The following NTM variants were observed in gnomAD, a reference collection of about 807,000 sequenced individuals.
The protein encoded by NTM is IgLON family member 2.
NTM carries 13 observed loss-of-function variants against 42.1 expected under a neutral mutation model. The observed-to-expected ratio is 0.31, with a 90% CI of 0.20 to 0.49. The LOEUF (loss-of-function observed/expected upper bound fraction) is 0.49, where lower values mean the gene tolerates loss of function less well. NTM is among the 20% of genes least tolerant of loss of function. The pLI is 0.99. For missense variants in NTM, 373 were observed against 452.8 expected (o/e 0.82, Z 1.60); for synonymous variants, 187 against 179.2 (o/e 1.04, Z -0.35).
At chr11:132,235,367 C>A (rs186445869) in intron 4 of NTM, among the ~76,000 whole-genome samples, 1 of 151,950 alleles carries the variant, frequency 6.6e-6, no homozygotes. Flanking sequence ...AGCGTGTATG[C>A]ATGTGTGTGT....
rs551192214 is a variant in NTM at position 132,262,683 on chromosome 11, T to C, written c.527-45006T>C. Among the ~76,000 whole-genome samples, 15 of 152,184 alleles carry C rather than the reference T, an allele frequency of 9.9e-5. 1 individual carries two copies. Among genetic ancestry groups the C allele is most frequent in the Admixed American group, 2.0e-4 (3 of 15,278 alleles). ...CTCCTAATACCATCACAATGAGGAT[T>C]AGGTCTTCAACATAGGAATTTTGGA... On this transcript the variant is annotated intron_variant, in intron 4 of 8. Coordinates refer to ENST00000683400, the MANE Select transcript of NTM (RefSeq NM_001352005.2).
chr11:131,948,226 G>T (rs1209358335), intron 2 of NTM, among the ~76,000 whole-genome samples: 1 of 151,994 alleles, frequency 6.6e-6, no homozygotes, highest in East Asian at 1.9e-4. Context: ...TTAGCCAGGC[G>T]TGGTGGTGGG....
intron 3 of NTM, among the ~76,000 whole-genome samples, chr11:132,205,766 C>T (rs1307499293): frequency 1.3e-5 from 2 of 152,166 alleles, no homozygotes; most frequent in Admixed American, 6.5e-5. Flanking sequence ...TGCTCTTTAC[C>T]TTTCATGTGG....
chr11:131,773,279 A>T (rs1422605179), intron 1 of NTM, among the ~76,000 whole-genome samples: 18 of 152,142 alleles, frequency 1.2e-4, no homozygotes, highest in Non-Finnish European at 2.6e-4. Flanking sequence ...CACCTTTCTG[A>T]AGGCTCTTTT....
In NTM at chr11:132,334,993, C is replaced by A. The variant is rs1196119781; in HGVS notation, c.968-53C>A. On this transcript the variant is annotated intron_variant, in intron 8 of 8. Coordinates refer to ENST00000683400, the MANE Select transcript of NTM (RefSeq NM_001352005.2). Reference sequence around the variant, plus strand: ...GACAGCAGACCAGGCAACCACCGGGCTTTCCTTCCATTTTCTCCCAGACCA... The same window carrying A: ...GACAGCAGACCAGGCAACCACCGGGATTTCCTTCCATTTTCTCCCAGACCA... 4.4e-6 allele frequency: 7 copies of A among 1,590,548 alleles called. No individual in the cohort carries two copies. In the South Asian group the frequency reaches 7.8e-5, roughly 18 times the overall value.
intron 3 of NTM, among the ~76,000 whole-genome samples, chr11:132,205,693 T>C (rs910692451): frequency 6.6e-6 from 1 of 152,142 alleles, no homozygotes; most frequent in Non-Finnish European, 1.5e-5. Context: ...AATGACCTTT[T>C]CAAAGGACTC....
chr11:131,678,374 A>G (rs2071803643), intron 1 of NTM, among the ~76,000 whole-genome samples: 1 of 152,226 alleles, frequency 6.6e-6, no homozygotes, highest in African/African-American at 2.4e-5. Flanking sequence ...CCCAGCGCTG[A>G]CCACTCAGCT....
intron 1 of NTM, among the ~76,000 whole-genome samples, chr11:131,557,070 T>TTTTTTTTTTTTTTTTTTGAG (rs2055538190): frequency 1.3e-5 from 2 of 152,174 alleles, no homozygotes; most frequent in African/African-American, 4.8e-5. Flanking sequence ...TTTCTTTTTT[T>TTTTTTTTTTTTTTTTTTGAG]AACAGTGTGT....
chr11:131,637,867 G>A (rs936284586), intron 1 of NTM, among the ~76,000 whole-genome samples: 4 of 152,200 alleles, frequency 2.6e-5, no homozygotes, highest in East Asian at 1.9e-4. Flanking sequence ...TGGGATAAAT[G>A]TGCTCTCAAC....
At chr11:131,741,278 T>C (rs1454137666) in intron 1 of NTM, among the ~76,000 whole-genome samples, 2 of 151,532 alleles carry the variant, frequency 1.3e-5, no homozygotes, top group African/African-American at 2.4e-5. Flanking sequence ...CAGAAGGGGC[T>C]GGGTTTGGTT....
At chr11:132,205,702 T>C (rs1364119244) in intron 3 of NTM, among the ~76,000 whole-genome samples, 1 of 152,178 alleles carries the variant, frequency 6.6e-6, no homozygotes, top group East Asian at 1.9e-4. Flanking sequence ...TTCAAAGGAC[T>C]CTTCCACTCA....
chr11:132,256,951 C>A (rs1383770955), intron 4 of NTM, among the ~76,000 whole-genome samples: 2 of 152,166 alleles, frequency 1.3e-5, no homozygotes, highest in East Asian at 3.9e-4. Context: ...ATCATTGCAG[C>A]AAATTATTTA....
chr11:131,979,077 A>C (rs981150964), intron 2 of NTM, among the ~76,000 whole-genome samples: 2 of 152,148 alleles, frequency 1.3e-5, no homozygotes, highest in Non-Finnish European at 2.9e-5. Context: ...AACCAGACAT[A>C]GGATTCTTGA....
intron 2 of NTM, among the ~76,000 whole-genome samples, chr11:132,122,114 G>A (rs891312276): frequency 2.0e-5 from 3 of 152,248 alleles, no homozygotes; most frequent in Non-Finnish European, 2.9e-5. Context: ...TAGGAAAGCT[G>A]TAGCAAGCCA....
intron 1 of NTM, among the ~76,000 whole-genome samples, chr11:131,691,860 C>T (rs1021250840): frequency 8.5e-5 from 13 of 152,244 alleles, no homozygotes; most frequent in African/African-American, 3.1e-4. Context: ...TTACTCATAA[C>T]ACGAACAAAA....
intron 1 of NTM, among the ~76,000 whole-genome samples, chr11:131,685,742 AT>A (rs1468168366): frequency 1.3e-5 from 2 of 152,152 alleles, no homozygotes; most frequent in Non-Finnish European, 2.9e-5. Context: ...TCACTTGTTT[AT>A]TTGTTTAGTG....
At chr11:132,315,242 A>C (rs1403166211) in intron 7 of NTM, among the ~76,000 whole-genome samples, 1 of 152,224 alleles carries the variant, frequency 6.6e-6, no homozygotes, top group Non-Finnish European at 1.5e-5. Context: ...TCGCTGGGAC[A>C]TGAAGAGCCC....
At chr11:132,085,800 C>T (rs977042668) in intron 2 of NTM, among the ~76,000 whole-genome samples, 7 of 152,000 alleles carry the variant, frequency 4.6e-5, no homozygotes, top group African/African-American at 1.5e-4. Flanking sequence ...CTGGGTGGTG[C>T]CCTTTAAGAG....
intron 1 of NTM, among the ~76,000 whole-genome samples, chr11:131,465,254 G>A (rs1951775988): frequency 6.6e-6 from 1 of 152,192 alleles, no homozygotes; most frequent in African/African-American, 2.4e-5. Flanking sequence ...TTGCACAGAT[G>A]AGCCGCCCCA....
Sources: gnomAD v4.1 joint callset for allele counts (sites outside exome capture counted in the v4.1 genomes callset) on GRCh38, gnomAD v4.1.1 for gene constraint, MANE v1.5 for transcripts, NCBI Gene and HGNC (gene_info 2026-07-23, HGNC 2026-07-21) for gene names.